Variants in LIN52 observed in about 807,000 individuals in gnomAD.
LIN52 encodes the protein protein lin-52 homolog.
Under a neutral mutation model 18.5 loss-of-function variants are expected in LIN52, and 4 were observed. The observed-to-expected ratio is 0.22, with a 90% CI of 0.11 to 0.49. The LOEUF is 0.49. LIN52 is among the 20% of genes least tolerant of loss of function. LIN52 has a pLI of 0.97. For missense variants in LIN52, 102 were observed against 139.5 expected (o/e 0.73, Z 1.35); for synonymous variants, 34 against 45.5 (o/e 0.75, Z 1.02).
At chr14:74,180,262 ATTTT>A (rs5809652) in intron 5 of LIN52, among the ~76,000 whole-genome samples, 2 of 119,764 alleles carry the variant, frequency 1.7e-5, no homozygotes, top group Non-Finnish European at 3.3e-5. Flanking sequence ...GGGAGGAGGA[ATTTT>A]TTTTTTTTTT....
At chr14:74,184,077 G>A (rs2061331076) in intron 5 of LIN52, among the ~76,000 whole-genome samples, 1 of 152,036 alleles carries the variant, frequency 6.6e-6, no homozygotes, top group Admixed American at 6.6e-5. Flanking sequence ...GAAGAAGATG[G>A]GTTGTTTGTC....
chr14:74,158,125 A>AT (rs60808992), intron 5 of LIN52, among the ~76,000 whole-genome samples: 1 of 147,692 alleles, frequency 6.8e-6, no homozygotes, highest in African/African-American at 2.5e-5. Context: ...ATATATATAT[A>AT]TTTTTTTGAG....
At chr14:74,116,549 TACA>T (rs1331949335) in intron 5 of LIN52, among the ~76,000 whole-genome samples, 1 of 151,814 alleles carries the variant, frequency 6.6e-6, no homozygotes, top group African/African-American at 2.4e-5. Context: ...CTACTAAAAA[TACA>T]AAAATTAGTC....
intron 5 of LIN52, among the ~76,000 whole-genome samples, chr14:74,135,113 G>A (rs1026957548): frequency 6.6e-6 from 1 of 152,120 alleles, no homozygotes; most frequent in African/African-American, 2.4e-5. Flanking sequence ...TCGCCAGGCT[G>A]GAGTGCAGTG....
chr14:74,120,956 A>T (rs2060996471), intron 5 of LIN52, among the ~76,000 whole-genome samples: 1 of 152,072 alleles, frequency 6.6e-6, no homozygotes, highest in Non-Finnish European at 1.5e-5. Context: ...ATGCACCTGT[A>T]GTTTCAGCTA....
At chr14:74,097,115 G>A (rs57624722) in intron 3 of LIN52, among the ~76,000 whole-genome samples, 28,267 of 152,108 alleles carry the variant, frequency 0.19, 2,852 homozygotes, top group South Asian at 0.43. Context: ...TGAATCTCCC[G>A]TATGCCAGAG....
intron 5 of LIN52, among the ~76,000 whole-genome samples, chr14:74,147,126 C>T (rs564461608): frequency 6.6e-5 from 10 of 152,144 alleles, no homozygotes; most frequent in African/African-American, 1.7e-4. Flanking sequence ...GGCATGACAA[C>T]GCACCCCTGT....
chr14:74,171,497 A>G (rs1310010182), intron 5 of LIN52, among the ~76,000 whole-genome samples: 2 of 152,070 alleles, frequency 1.3e-5, no homozygotes, highest in African/African-American at 2.4e-5. Flanking sequence ...AATCTACAAA[A>G]AATTTTAGTG....
At chr14:74,090,797 G>C (rs1325382065) in intron 1 of LIN52, among the ~76,000 whole-genome samples, 1 of 152,126 alleles carries the variant, frequency 6.6e-6, no homozygotes, top group Admixed American at 6.5e-5. Context: ...GTGACACTGA[G>C]ATGAGGCTAG....
At chr14:74,194,652 CTTTCTCAATTTGTGA>C (rs1257736172) in intron 5 of LIN52, among the ~76,000 whole-genome samples, 1 of 152,164 alleles carries the variant, frequency 6.6e-6, no homozygotes, top group East Asian at 1.9e-4. Flanking sequence ...TCAATTGTGG[CTTTCTCAATTTGTGA>C]TCTATGTACG....
intron 5 of LIN52, among the ~76,000 whole-genome samples, chr14:74,165,440 A>G (rs2061244285): frequency 6.6e-6 from 1 of 152,072 alleles, no homozygotes; most frequent in African/African-American, 2.4e-5. Flanking sequence ...AAGGTAATAT[A>G]AAAGAATCAG....
intron 5 of LIN52, among the ~76,000 whole-genome samples, chr14:74,157,460 T>TATATATATATA (rs374055679): frequency 5.0e-5 from 5 of 99,520 alleles, no homozygotes; most frequent in African/African-American, 1.8e-4. Flanking sequence ...TATATATATA[T>TATATATATATA]TTTTTAATTA....
chr14:74,101,033 T>C (rs2300193), intron 4 of LIN52, 122 bp from the exon 5 acceptor site: 126,017 of 754,950 alleles, frequency 0.17, 13,688 homozygotes, highest in East Asian at 0.54. Context: ...ACGGATCCAT[T>C]TTCTACTTAT....
At chr14:74,179,616 A>C (rs980762477) in intron 5 of LIN52, among the ~76,000 whole-genome samples, 10 of 150,368 alleles carry the variant, frequency 6.7e-5, no homozygotes, top group African/African-American at 2.4e-4. Flanking sequence ...AGATCAGGCC[A>C]CTGCACTCCA....
intron 5 of LIN52, among the ~76,000 whole-genome samples, chr14:74,136,910 G>A (rs2061100864): frequency 1.3e-5 from 2 of 151,990 alleles, no homozygotes; most frequent in Non-Finnish European, 2.9e-5. Flanking sequence ...TAATTATTGG[G>A]TTAAAATCCT....
intron 5 of LIN52, among the ~76,000 whole-genome samples, chr14:74,158,500 CAG>C (rs1364749768): frequency 6.6e-6 from 1 of 151,558 alleles, no homozygotes; most frequent in Non-Finnish European, 1.5e-5. Flanking sequence ...ATTTTTGAGA[CAG>C]AGTTTTGCTC....
At chr14:74,100,202 T>C (rs1311380794) in intron 4 of LIN52, among the ~76,000 whole-genome samples, 3 of 152,270 alleles carry the variant, frequency 2.0e-5, no homozygotes, top group African/African-American at 7.2e-5. Context: ...CAAGGCTTTC[T>C]TAATGCTATC....
At chr14:74,190,191 G>A (rs1382639380) in intron 5 of LIN52, among the ~76,000 whole-genome samples, 2 of 152,032 alleles carry the variant, frequency 1.3e-5, no homozygotes, top group African/African-American at 2.4e-5. Context: ...GCCACTGCAC[G>A]CTTTTGGAAG....
chr14:74,097,866 T>A lies in LIN52; in HGVS notation c.199+6T>A. ...TGACATCGACATGTTGAAAGGTAAGTGATGCTAGTTACCACTTTTAACTGG... is the reference window on the plus strand; with the variant it reads ...TGACATCGACATGTTGAAAGGTAAGAGATGCTAGTTACCACTTTTAACTGG... On this transcript the variant is annotated splice_donor_region_variant and intron_variant, in intron 4 of 5. Transcript: ENST00000555028. 1 of 1,604,860 alleles carries A rather than the reference T, an allele frequency of 6.2e-7. No individual in the cohort carries two copies. The highest frequency in any genetic ancestry group is 8.5e-7 in the Non-Finnish European group (1 of 1,171,684).
Sources: gnomAD v4.1 joint callset for allele counts (sites outside exome capture counted in the v4.1 genomes callset) on GRCh38, gnomAD v4.1.1 for gene constraint, MANE v1.5 for transcripts, NCBI Gene and HGNC (gene_info 2026-07-23, HGNC 2026-07-21) for gene names.